SH3KBP1: variants seen among roughly 807,000 people sequenced by gnomAD.
SH3KBP1 encodes the protein SH3 domain-containing kinase-binding protein 1.
SH3KBP1 carries 8 observed loss-of-function variants against 50.1 expected under a neutral mutation model. The observed-to-expected ratio is 0.16, with a 90% CI of 0.09 to 0.29. SH3KBP1 has a LOEUF of 0.29. SH3KBP1 is among the 10% of genes least tolerant of loss of function. SH3KBP1 has a pLI of 1.00. For synonymous variants in SH3KBP1, 227 were observed against 218.6 expected (o/e 1.04, Z -0.34); for missense variants, 377 against 535.2 (o/e 0.70, Z 2.92).
chrX:19,835,582 ATTT>A (rs368097754), intron 2 of SH3KBP1, among the ~76,000 whole-genome samples: 2 of 97,319 alleles, frequency 2.1e-5, no homozygotes, highest in African/African-American at 3.9e-5. Context: ...AGCCTTTACT[ATTT>A]TTTTTTTTTT....
At position 19,588,691 on chromosome X, in the gene SH3KBP1, A is replaced by G; in HGVS notation, c.1250T>C (p.Leu417Pro). The change falls in exon 12 of 18, where the codon CTG becomes CCG. Residue 417 changes from leucine (L) to proline (P), a missense_variant. By Grantham distance (98) the Leu-to-Pro change is moderately conservative. Coordinates refer to ENST00000397821, the MANE Select transcript of SH3KBP1 (RefSeq NM_031892.3). Reference sequence around the variant, plus strand: ...CGGTCTCTCCGGCCTTCTCGGGGGCAGTGCGCCAGGTCTGCTGAGAGAATT... The same window carrying G: ...CGGTCTCTCCGGCCTTCTCGGGGGCGGTGCGCCAGGTCTGCTGAGAGAATT... ...KTNSLSRPGA[L>P]PPRRPERPVG... 3 of 1,209,012 alleles carry G rather than the reference A, an allele frequency of 2.5e-6. No homozygotes were observed. Among genetic ancestry groups the G allele is most frequent in the Non-Finnish European group, 3.4e-6 (3 of 894,450 alleles).
chrX:19,697,100 G>A (rs1175465623), intron 4 of SH3KBP1, among the ~76,000 whole-genome samples: 2 of 111,823 alleles, frequency 1.8e-5, no homozygotes, highest in Non-Finnish European at 3.8e-5. Flanking sequence ...GCTAATGGAA[G>A]TGTTGTCAAC....
chrX:19,789,326 TGTG>T (rs1306625898), intron 2 of SH3KBP1, among the ~76,000 whole-genome samples: 1 of 111,014 alleles, frequency 9.0e-6, no homozygotes, highest in Non-Finnish European at 1.9e-5. Flanking sequence ...CTCAGGGTGT[TGTG>T]GTCCCTCTTT....
chrX:19,843,008 C>CTTTT (rs1208728077), intron 1 of SH3KBP1, among the ~76,000 whole-genome samples: 8 of 65,182 alleles, frequency 1.2e-4, no homozygotes, highest in Non-Finnish European at 1.6e-4. Context: ...CGTGCATCAA[C>CTTTT]TTTTTTTTTT....
At chrX:19,723,142 CAAAAAAAAAAAAAA>C (rs61434855) in intron 3 of SH3KBP1, among the ~76,000 whole-genome samples, 1 of 31,128 alleles carries the variant, frequency 3.2e-5, no homozygotes, top group Non-Finnish European at 7.4e-5. Context: ...GACTCCGTCT[CAAAAAAAAAAAAAA>C]AAAAAAAAGT....
chrX:19,703,996 A>G (rs982047453), intron 4 of SH3KBP1, among the ~76,000 whole-genome samples: 1 of 110,826 alleles, frequency 9.0e-6, no homozygotes, highest in African/African-American at 3.3e-5. Context: ...AACATTCACT[A>G]TAAGAGAAAA....
chrX:19,632,379 A>G (rs932036909), intron 7 of SH3KBP1, among the ~76,000 whole-genome samples: 1 of 112,744 alleles, frequency 8.9e-6, no homozygotes, highest in Non-Finnish European at 1.9e-5. Flanking sequence ...AATTAGAAAC[A>G]AGGTATTTAT....
chrX:19,655,594 T>A (rs1262434247), intron 6 of SH3KBP1, among the ~76,000 whole-genome samples: 1 of 111,535 alleles, frequency 9.0e-6, no homozygotes, highest in Non-Finnish European at 1.9e-5. Context: ...ATATTCTTAT[T>A]TATTAGAGGG....
At chrX:19,582,752 C>T (rs1432914506) in intron 12 of SH3KBP1, among the ~76,000 whole-genome samples, 2 of 111,752 alleles carry the variant, frequency 1.8e-5, no homozygotes, top group Non-Finnish European at 3.8e-5. Context: ...TGTGCTACAG[C>T]GGGAGACAGG....
intron 5 of SH3KBP1, chrX:19,694,916 G>T: frequency 2.3e-6 from 2 of 868,563 alleles, no homozygotes; most frequent in Non-Finnish European, 3.3e-6. Flanking sequence ...CCATGACCTT[G>T]GCTCAAGACA....
At chrX:19,727,800 A>G (rs879104495) in intron 3 of SH3KBP1, among the ~76,000 whole-genome samples, 1 of 112,155 alleles carries the variant, frequency 8.9e-6, no homozygotes, top group Non-Finnish European at 1.9e-5. Flanking sequence ...CTTGGCCAAC[A>G]TGGTGAAACC....
At chrX:19,685,760 G>A (rs1469578900) in intron 5 of SH3KBP1, among the ~76,000 whole-genome samples, 1 of 111,459 alleles carries the variant, frequency 9.0e-6, no homozygotes, top group Non-Finnish European at 1.9e-5. Flanking sequence ...TAAATGACTT[G>A]TATATTCCTT....
chrX:19,579,322 T>C (rs2066293463), intron 12 of SH3KBP1, among the ~76,000 whole-genome samples: 1 of 111,579 alleles, frequency 9.0e-6, no homozygotes, highest in Admixed American at 9.5e-5. Context: ...ATGACATCCA[T>C]AGACGTCGCC....
At chrX:19,554,262 T>TTATATATC (rs1569279113) in intron 13 of SH3KBP1, among the ~76,000 whole-genome samples, 2 of 84,346 alleles carry the variant, frequency 2.4e-5, no homozygotes, top group African/African-American at 4.7e-5. Flanking sequence ...ATATATTATA[T>TTATATATC]ATATTAAAAT....
chrX:19,875,427 C>T (rs1004707139), intron 1 of SH3KBP1, among the ~76,000 whole-genome samples: 9 of 112,460 alleles, frequency 8.0e-5, no homozygotes, highest in Admixed American at 2.8e-4. Context: ...AGAGGCCACA[C>T]GGCCTCACAT....
chrX:19,821,377 C>G (rs2067520375), intron 2 of SH3KBP1, among the ~76,000 whole-genome samples: 1 of 111,341 alleles, frequency 9.0e-6, no homozygotes, highest in Non-Finnish European at 1.9e-5. Context: ...GACAACAGAG[C>G]AAGATTCCGT....
rs1233458073 is a variant in SH3KBP1, at chrX:19,685,387, TG to T, written c.521-1360del. On this transcript the variant is annotated intron_variant, in intron 5 of 17. Coordinates refer to ENST00000397821, the MANE Select transcript of SH3KBP1 (RefSeq NM_031892.3). Reference sequence around the variant, plus strand: ...TTTCAGAATCAAATCCTTAAAACAATGGTTTTGTTTGTTGTTGTTGTCATTT... The same window carrying T: ...TTTCAGAATCAAATCCTTAAAACAATGTTTTGTTTGTTGTTGTTGTCATTT... Among the ~76,000 whole-genome samples, 3 of 112,345 alleles carry T rather than the reference TG, an allele frequency of 2.7e-5. No homozygotes were observed. The East Asian group carries it at 8.3e-4, about 31-fold the overall frequency.
chrX:19,570,935 T>C (rs1602508214), intron 12 of SH3KBP1, among the ~76,000 whole-genome samples: 1 of 111,983 alleles, frequency 8.9e-6, no homozygotes. Context: ...CCAGCCTGTG[T>C]GACAGAGTGA....
chrX:19,871,825 C>A (rs1354641619), intron 1 of SH3KBP1, among the ~76,000 whole-genome samples: 3 of 111,132 alleles, frequency 2.7e-5, no homozygotes, highest in African/African-American at 9.8e-5. Flanking sequence ...ACAGCCACGA[C>A]CTTTCCCTTG....
Sources: allele counts gnomAD v4.1 joint callset (sites outside exome capture counted in the v4.1 genomes callset), GRCh38; gene constraint gnomAD v4.1.1; transcripts MANE v1.5; gene names NCBI Gene and HGNC (gene_info 2026-07-23, HGNC 2026-07-21).